EHBP1: variants seen among roughly 807,000 people sequenced by gnomAD.
EHBP1 encodes the protein EH domain binding protein 1.
Under a neutral mutation model 144.0 loss-of-function variants are expected in EHBP1, and 55 were observed. That is an observed-to-expected ratio of 0.38 (90% CI 0.31 to 0.48). The LOEUF (loss-of-function observed/expected upper bound fraction) is 0.48, where lower values mean the gene tolerates loss of function less well. Among genes scored for constraint, EHBP1 ranks in the 20% least tolerant of loss-of-function variants. The pLI, the probability that EHBP1 is intolerant of heterozygous loss-of-function variation, is 0.98. For synonymous variants in EHBP1, 469 were observed against 472.7 expected, an observed-to-expected ratio of 0.99 and a Z score of 0.10; for missense variants, 1,200 against 1,364.2, an observed-to-expected ratio of 0.88 and a Z score of 1.90.
chr2:62,704,754 C>A (rs547922932), upstream of EHBP1, among the ~76,000 whole-genome samples: 1 of 152,272 alleles, frequency 6.6e-6, no homozygotes, highest in East Asian at 1.9e-4. Context: ...AAACTGAAAA[C>A]AATTTTTTGT....
At position 62,836,455 on chromosome 2, in the gene EHBP1, G is replaced by A. The variant is rs1476534945; in HGVS notation, c.634+5297G>A. Among the ~76,000 whole-genome samples the A allele has an allele frequency of 1.2e-4, 17 of 140,922 alleles. No homozygotes were observed. The South Asian group carries it at 3.1e-3, about 25-fold the overall frequency. The allele number at this position is 140,922 out of a possible 152,430, so 92.5% of individuals were successfully genotyped here. A position where few individuals can be genotyped will look rare whatever the true frequency, so the allele number is the denominator to read the frequency against. ...AGCGTCTCTCCTCCTCCAAAGGAAC[G>A]CAGTTCCTCACCAGCAACGGAACAA... On this transcript the variant is annotated intron_variant, in intron 7 of 22. Coordinates refer to ENST00000431489, the MANE Select transcript of EHBP1 (RefSeq NM_001142616.3).
At chr2:62,683,140 C>T (rs1417174394) in intron 1 of EHBP1, among the ~76,000 whole-genome samples, 1 of 41,932 alleles carries the variant, frequency 2.4e-5, no homozygotes, top group East Asian at 1.3e-3. Flanking sequence ...AACAACGGTC[C>T]CACCCCCTCC....
intron 10 of EHBP1, among the ~76,000 whole-genome samples, chr2:62,881,437 AAAG>A (rs1294604179): frequency 3.5e-4 from 53 of 151,454 alleles, no homozygotes; most frequent in Non-Finnish European, 7.4e-5. Context: ...AAAAAAAAAA[AAAG>A]AAGGAAAGGA....
At chr2:62,677,615 C>T (rs1243851075) in intron 1 of EHBP1, among the ~76,000 whole-genome samples, 1 of 152,020 alleles carries the variant, frequency 6.6e-6, no homozygotes, top group Non-Finnish European at 1.5e-5. Flanking sequence ...TACCCATTAA[C>T]CATCCCCACT....
chr2:62,997,427 CATGTGTGTGTGTGTGTGT>C (rs1390655124), intron 19 of EHBP1, among the ~76,000 whole-genome samples: 28 of 139,980 alleles, frequency 2.0e-4, no homozygotes, highest in South Asian at 4.8e-4. Flanking sequence ...GAAAGGAACT[CATGTGTGTGTGTGTGTGT>C]GTGTGTGTGT....
At chr2:62,971,438 A>G (rs542143938) in intron 14 of EHBP1, among the ~76,000 whole-genome samples, 59 of 152,310 alleles carry the variant, frequency 3.9e-4, no homozygotes, top group Admixed American at 2.1e-3. Flanking sequence ...ATCTCTCTGT[A>G]TTCATTGACA....
At chr2:62,844,565 C>A (rs1274573433) in intron 7 of EHBP1, among the ~76,000 whole-genome samples, 1 of 152,070 alleles carries the variant, frequency 6.6e-6, no homozygotes, top group East Asian at 1.9e-4. Flanking sequence ...TACTGGCAGT[C>A]ACACAGTGCT....
chr2:63,000,201 G>C (rs1462239019), intron 19 of EHBP1, among the ~76,000 whole-genome samples: 1 of 152,154 alleles, frequency 6.6e-6, no homozygotes, highest in African/African-American at 2.4e-5. Flanking sequence ...AATGTAAAAG[G>C]CTCATACAAC....
intron 3 of EHBP1, 91 bp downstream of exon 3, chr2:62,747,543 T>C (rs2039274521): frequency 2.0e-6 from 2 of 1,004,538 alleles, no homozygotes; most frequent in African/African-American, 1.7e-5. Context: ...AAAATATTAC[T>C]TGATGTTTTG....
intron 1 of EHBP1, among the ~76,000 whole-genome samples, chr2:62,693,174 G>C (rs914225864): frequency 3.3e-5 from 5 of 152,096 alleles, no homozygotes; most frequent in African/African-American, 1.2e-4. Context: ...CATCTATGCT[G>C]TTGCAAATAA....
chr2:62,757,369 A>C (rs535964028), intron 3 of EHBP1, among the ~76,000 whole-genome samples: 2 of 142,892 alleles, frequency 1.4e-5, no homozygotes, highest in Non-Finnish European at 1.5e-5. Context: ...ACTTTGTACT[A>C]TGTTTTAGAA....
chr2:62,828,504 T>C (rs1478731380), intron 6 of EHBP1, among the ~76,000 whole-genome samples: 2 of 152,340 alleles, frequency 1.3e-5, no homozygotes, highest in East Asian at 1.9e-4. Context: ...TTTTTTTATC[T>C]TGTAGCTCTT....
chr2:62,696,864 A>G (rs1203725923), intron 1 of EHBP1, among the ~76,000 whole-genome samples: 1 of 152,188 alleles, frequency 6.6e-6, no homozygotes, highest in Admixed American at 6.5e-5. Flanking sequence ...CATACAAGAC[A>G]AAAAACAACC....
chr2:62,731,543 G>A (rs1222163961), intron 2 of EHBP1, among the ~76,000 whole-genome samples: 2 of 152,016 alleles, frequency 1.3e-5, no homozygotes, highest in African/African-American at 4.8e-5. Context: ...AGGTTTTTTG[G>A]TAGACGTTCT....
intron 15 of EHBP1, among the ~76,000 whole-genome samples, chr2:62,983,947 A>G (rs2153212326): frequency 6.6e-6 from 1 of 152,198 alleles, no homozygotes; most frequent in East Asian, 1.9e-4. Flanking sequence ...CATGATCCTT[A>G]TTATTTCAGT....
At chr2:62,903,747 T>A (rs977574825) in intron 10 of EHBP1, among the ~76,000 whole-genome samples, 1 of 150,904 alleles carries the variant, frequency 6.6e-6, no homozygotes, top group African/African-American at 2.4e-5. Context: ...GCCTGGCCAA[T>A]AGAGTGAGAC....
Position 62,859,167 on chromosome 2 carries a change from A to G in EHBP1, c.635-2A>G, listed in dbSNP as rs373832316. The G allele has an allele frequency of 6.2e-7, 1 of 1,609,540 alleles. No individual in the cohort carries two copies. Among genetic ancestry groups the G allele is most frequent in the African/African-American group, 1.3e-5 (1 of 74,818 alleles). ...GGAACTAACCCATATGTTTATTTTCAGAGCTTATCAACAAACTTAACTTTT... is the reference window on the plus strand; with the variant it reads ...GGAACTAACCCATATGTTTATTTTCGGAGCTTATCAACAAACTTAACTTTT... On this transcript the variant is annotated splice_acceptor_variant, in intron 7 of 22. Transcript: ENST00000431489. LOFTEE classifies it high-confidence loss of function.
intron 12 of EHBP1, among the ~76,000 whole-genome samples, chr2:62,945,983 A>G (rs1225970906): frequency 8.0e-6 from 1 of 124,812 alleles, no homozygotes; most frequent in Non-Finnish European, 1.7e-5. Flanking sequence ...TGTCTATTAA[A>G]GTGAAATGCT....
chr2:62,895,834 A>G (rs992267334), intron 10 of EHBP1, among the ~76,000 whole-genome samples: 4 of 152,192 alleles, frequency 2.6e-5, no homozygotes, highest in Admixed American at 6.5e-5. Flanking sequence ...AAAAAGAAGA[A>G]TAAGAGTCAA....
Sources: gnomAD v4.1 joint callset for allele counts (sites outside exome capture counted in the v4.1 genomes callset) on GRCh38, gnomAD v4.1.1 for gene constraint, MANE v1.5 for transcripts, NCBI Gene and HGNC (gene_info 2026-07-23, HGNC 2026-07-21) for gene names.